Variants in NUCB2 observed in about 807,000 individuals in gnomAD.
NUCB2 encodes nucleobindin 2.
Under a neutral mutation model 57.9 loss-of-function variants are expected in NUCB2, and 48 were observed. The ratio of observed to expected loss-of-function variants is 0.83; its 90% CI spans 0.66 to 1.05. The LOEUF (loss-of-function observed/expected upper bound fraction) is 1.05. Ranked by LOEUF, NUCB2 falls within the 50% of genes least tolerant of loss-of-function variation. The pLI is 0.00. For synonymous variants in NUCB2, 139 were observed against 152.1 expected, an observed-to-expected ratio of 0.91 and a Z score of 0.64; for missense variants, 442 against 476.2, an observed-to-expected ratio of 0.93 and a Z score of 0.67.
chr11:17,311,488 T>G (rs1172172041), intron 8 of NUCB2, among the ~76,000 whole-genome samples: 1 of 152,180 alleles, frequency 6.6e-6, no homozygotes, highest in African/African-American at 2.4e-5. Flanking sequence ...TATACTGGCT[T>G]TTACTGTTGA....
downstream of NUCB2, chr11:17,333,372 C>A (rs1364423740): frequency 1.3e-5 from 2 of 152,144 alleles, no homozygotes; most frequent in African/African-American, 4.8e-5. Context: ...GAGTATAGAT[C>A]CGTAACAGCT....
chr11:17,284,692 C>T (rs1205867979), intron 2 of NUCB2, among the ~76,000 whole-genome samples: 1 of 128,584 alleles, frequency 7.8e-6, no homozygotes, highest in Non-Finnish European at 1.6e-5. Flanking sequence ...GACTTGTGAC[C>T]ATAAAAACAA....
chr11:17,279,249 A>G (rs578242926), intron 1 of NUCB2, among the ~76,000 whole-genome samples: 1 of 152,286 alleles, frequency 6.6e-6, no homozygotes, highest in Non-Finnish European at 1.5e-5. Context: ...TCAAGGAAAA[A>G]CTTCAATCAC....
At chr11:17,318,688 T>C (rs1337247287) in intron 11 of NUCB2, among the ~76,000 whole-genome samples, 1 of 152,162 alleles carries the variant, frequency 6.6e-6, no homozygotes, top group African/African-American at 2.4e-5. Flanking sequence ...GAAGAAACTC[T>C]CACTGGCCAA....
intron 2 of NUCB2, among the ~76,000 whole-genome samples, chr11:17,292,681 T>A (rs988742806): frequency 6.6e-6 from 1 of 152,234 alleles, no homozygotes; most frequent in Non-Finnish European, 1.5e-5. Flanking sequence ...ACTCTAGCTG[T>A]ATGACTGACT....
intron 2 of NUCB2, among the ~76,000 whole-genome samples, chr11:17,345,698 C>T (rs2139671193): frequency 6.6e-6 from 1 of 152,136 alleles, no homozygotes; most frequent in Admixed American, 6.5e-5. Flanking sequence ...CAGAGCGACA[C>T]TCCGTCTCAA....
At chr11:17,279,550 T>C (rs1157888743) in intron 1 of NUCB2, among the ~76,000 whole-genome samples, 1 of 152,098 alleles carries the variant, frequency 6.6e-6, no homozygotes, top group African/African-American at 2.4e-5. Flanking sequence ...TACATAATAA[T>C]AAAATGAATA....
rs61660913 is a variant in NUCB2, at chr11:17,291,545, C to CAAAAAAA, written c.1-3770_1-3764dup. On this transcript the variant is annotated intron_variant, in intron 2 of 13. Coordinates refer to ENST00000529010, the MANE Select transcript of NUCB2 (RefSeq NM_005013.4). ...TGGGTGGCAGAGTAAGACTCTGCAT[C>CAAAAAAA]AAAAAAAAAAAAAAATCAGTCTTTT... 7.7e-5 allele frequency among the ~76,000 whole-genome samples: 4 copies of CAAAAAAA among 52,206 alleles called. 1 individual carries two copies. The highest frequency in any genetic ancestry group is 1.0e-4 in the Non-Finnish European group (3 of 29,688). The allele number at this position is 52,206 out of a possible 152,430, so 34.2% of individuals were successfully genotyped here.
At chr11:17,316,610 A>G (rs975848290) in intron 11 of NUCB2, among the ~76,000 whole-genome samples, 1 of 152,146 alleles carries the variant, frequency 6.6e-6, no homozygotes, top group East Asian at 1.9e-4. Flanking sequence ...TTTATGAAAA[A>G]TTTTTTAAAT....
intron 11 of NUCB2, among the ~76,000 whole-genome samples, chr11:17,326,556 T>A (rs1211796229): frequency 1.3e-5 from 2 of 151,942 alleles, no homozygotes; most frequent in African/African-American, 4.8e-5. Flanking sequence ...CAGCCTCAAG[T>A]GATCTGCCTA....
At chr11:17,341,199 C>A (rs897954021) in intron 2 of NUCB2, among the ~76,000 whole-genome samples, 4 of 152,152 alleles carry the variant, frequency 2.6e-5, no homozygotes, top group Non-Finnish European at 5.9e-5. Context: ...TGCCTATCAG[C>A]TTAAGGAGAT....
chr11:17,285,950 C>CACAT (rs1159995818), intron 2 of NUCB2, among the ~76,000 whole-genome samples: 1 of 151,836 alleles, frequency 6.6e-6, no homozygotes, highest in African/African-American at 2.4e-5. Context: ...CACACACACA[C>CACAT]ACACACACAC....
chr11:17,345,725 C>T (rs907203849), intron 2 of NUCB2, among the ~76,000 whole-genome samples: 3 of 152,044 alleles, frequency 2.0e-5, no homozygotes, highest in Non-Finnish European at 4.4e-5. Context: ...GAAAAGTAAC[C>T]TTTTATAAAT....
intron 2 of NUCB2, among the ~76,000 whole-genome samples, chr11:17,345,455 T>C (rs764228861): frequency 2.1e-4 from 32 of 152,200 alleles, no homozygotes; most frequent in Non-Finnish European, 3.5e-4. Context: ...ACGCCTGTAA[T>C]CCCAGTACTT....
chr11:17,294,186 A>G (rs1216801332), intron 2 of NUCB2, among the ~76,000 whole-genome samples: 2 of 152,194 alleles, frequency 1.3e-5, no homozygotes, highest in Non-Finnish European at 2.9e-5. Context: ...TGTGAAGTAT[A>G]CTACCCTATT....
chr11:17,290,507 G>A (rs1418004326), intron 2 of NUCB2, among the ~76,000 whole-genome samples: 1 of 151,992 alleles, frequency 6.6e-6, no homozygotes, highest in Non-Finnish European at 1.5e-5. Flanking sequence ...CCAAGAGTTT[G>A]AGACTGGCCT....
At chr11:17,328,967 C>T (rs763284712) in intron 11 of NUCB2, among the ~76,000 whole-genome samples, 8 of 152,140 alleles carry the variant, frequency 5.3e-5, no homozygotes, top group South Asian at 2.1e-4. Flanking sequence ...TGGGTCTTGC[C>T]GCTGATTATT....
intron 1 of NUCB2, among the ~76,000 whole-genome samples, chr11:17,279,004 C>T (rs1381828181): frequency 6.6e-6 from 1 of 152,100 alleles, no homozygotes; most frequent in Admixed American, 6.6e-5. Flanking sequence ...ACCAGCCTGG[C>T]CAACATGGTG....
chr11:17,299,443 C>T (rs997280336), intron 4 of NUCB2, among the ~76,000 whole-genome samples: 8 of 151,982 alleles, frequency 5.3e-5, no homozygotes, highest in Admixed American at 5.2e-4. Flanking sequence ...CCTAGTTTTC[C>T]TACTAATTAC....
Sources: gnomAD v4.1 joint callset for allele counts (sites outside exome capture counted in the v4.1 genomes callset) on GRCh38, gnomAD v4.1.1 for gene constraint, MANE v1.5 for transcripts, NCBI Gene and HGNC (gene_info 2026-07-23, HGNC 2026-07-21) for gene names.